The following GNB2 variants were observed in gnomAD, a reference collection of about 807,000 sequenced individuals.
The protein encoded by GNB2 is guanine nucleotide-binding protein G(I)/G(S)/G(T) subunit beta-2.
Under a neutral mutation model 40.7 loss-of-function variants are expected in GNB2, and 7 were observed. That is an observed-to-expected ratio of 0.17 (90% confidence interval 0.10 to 0.32). GNB2 has a LOEUF of 0.32. Ranked by LOEUF, GNB2 falls within the 10% of genes least tolerant of loss-of-function variation. GNB2 has a pLI of 1.00. For synonymous variants in GNB2, 254 were observed against 191.2 expected (o/e 1.33, Z -2.71); for missense variants, 286 against 473.0 (o/e 0.60, Z 3.67).
intron 9 of GNB2, 21 bp downstream of exon 9, chr7:100,678,635 T>C: frequency 6.2e-7 from 1 of 1,608,966 alleles, no homozygotes; most frequent in Non-Finnish European, 8.5e-7. Flanking sequence ...GGGCCCAGGC[T>C]GGGTGGGCAG....
At position 100,673,815 on chromosome 7, in the gene GNB2, G is replaced by GCGCCGC. The variant is rs374292503; in HGVS notation, c.-166_-161dup. ...CTGGGGCCACTGAGGAAATCCATCC[G>GCGCCGC]CGCCGCCGCCGCCGCCGCCGCCGCC... On this transcript the variant is annotated 5_prime_UTR_variant, in exon 1 of 10. Coordinates refer to ENST00000303210, the MANE Select transcript of GNB2 (RefSeq NM_005273.4). 617 of 178,330 alleles carry GCGCCGC rather than the reference G, an allele frequency of 3.5e-3. 5 individuals carry two copies. Among genetic ancestry groups the GCGCCGC allele is most frequent in the Admixed American group, 4.6e-3 (70 of 15,202 alleles). 11.0% of individuals were successfully genotyped at this position (178,330 alleles called of 1,614,324 possible).
intron 1 of GNB2, among the ~76,000 whole-genome samples, chr7:100,674,771 C>T (rs1804313478): frequency 1.3e-5 from 2 of 152,018 alleles, no homozygotes; most frequent in Non-Finnish European, 2.9e-5. Flanking sequence ...CTGAGAACGT[C>T]GCCCCCGCCC....
chr7:100,675,940 C>T, intron 1 of GNB2: 2 of 349,244 alleles, frequency 5.7e-6, no homozygotes, highest in Non-Finnish European at 1.0e-5. Flanking sequence ...AGGGGTTTCC[C>T]CTGCGCTTCC....
In GNB2 at chr7:100,673,814, C is replaced by A; in HGVS notation, c.-199C>A. The stretch of plus-strand genomic sequence containing the variant: ...GCTGGGGCCACTGAGGAAATCCATC[C>A]GCGCCGCCGCCGCCGCCGCCGCCGC... On this transcript the variant is annotated 5_prime_UTR_variant, in exon 1 of 10. Coordinates refer to ENST00000303210, the MANE Select transcript of GNB2 (RefSeq NM_005273.4). 2 of 124,248 alleles carry A rather than the reference C, an allele frequency of 1.6e-5. No individual in the cohort carries two copies. The highest frequency in any genetic ancestry group is 4.5e-4 in the South Asian group (2 of 4,466). 7.7% of individuals were successfully genotyped at this position (124,248 alleles called of 1,614,324 possible).
At chr7:100,674,157 C>T (rs889564732) in intron 1 of GNB2, among the ~76,000 whole-genome samples, 5 of 152,016 alleles carry the variant, frequency 3.3e-5, no homozygotes, top group Non-Finnish European at 7.4e-5. Context: ...TTTTGCCCGA[C>T]CCCAGACCCC....
chr7:100,678,068 ATCTTT>A (rs1297162734), intron 7 of GNB2, 25 bp from the exon 8 acceptor site: 19 of 1,560,536 alleles, frequency 1.2e-5, no homozygotes, highest in African/African-American at 2.7e-5. Flanking sequence ...CCTGTCTCTT[ATCTTT>A]TCTTTCTTCC....
At chr7:100,677,440 G>T in intron 5 of GNB2, 25 bp downstream of exon 5, 1 of 1,613,150 alleles carries the variant, frequency 6.2e-7, no homozygotes, top group Non-Finnish European at 8.5e-7. Flanking sequence ...GCTGCGGGGT[G>T]GGGCAGGGCC....
intron 1 of GNB2, chr7:100,675,485 A>C (rs1377903109): frequency 6.6e-6 from 1 of 151,422 alleles, no homozygotes; most frequent in African/African-American, 2.4e-5. Context: ...GCTTTTCCCA[A>C]ATCCTGTAAA....
chr7:100,678,811 C>A lies in GNB2; in HGVS notation c.*10C>A. On this transcript the variant is annotated 3_prime_UTR_variant, in exon 10 of 10. Transcript: ENST00000303210. ...CAAGATCTGGAACTAATGGCCCCAC[C>A]CCCACTGGGCCCAGGCCAGGAGGGG... 1 of 1,582,836 alleles carries A rather than the reference C, an allele frequency of 6.3e-7. No individual in the cohort carries two copies.
chr7:100,677,180 G>T (rs373218241), intron 4 of GNB2, 172 bp from the exon 5 acceptor site: 6 of 618,762 alleles, frequency 9.7e-6, no homozygotes, highest in South Asian at 7.4e-5. Flanking sequence ...GGGAGGCTGA[G>T]GTGGGAGGAT....
intron 7 of GNB2, 45 bp downstream of exon 7, chr7:100,677,863 C>T: frequency 6.5e-7 from 1 of 1,536,322 alleles, no homozygotes; most frequent in Non-Finnish European, 9.0e-7. Context: ...ACCCACACTT[C>T]CTGCCTCAGG....
intron 1 of GNB2, 112 bp from the exon 2 acceptor site, chr7:100,676,065 C>G (rs1804339729): frequency 4.0e-6 from 2 of 502,468 alleles, no homozygotes; most frequent in African/African-American, 2.0e-5. Context: ...ACGGCGGCCG[C>G]GCCGCCCCTT....
chr7:100,677,887 G>A, intron 7 of GNB2, 69 bp downstream of exon 7: 1 of 1,376,620 alleles, frequency 7.3e-7, no homozygotes, highest in South Asian at 1.2e-5. Context: ...CACCGTCCCA[G>A]TGCTCAACAT....
chr7:100,677,999 C>T (rs1054134454), intron 7 of GNB2, 99 bp from the exon 8 acceptor site: 11 of 1,133,370 alleles, frequency 9.7e-6, no homozygotes, highest in Non-Finnish European at 1.3e-5. Flanking sequence ...CTCCCTGGAC[C>T]CTTCCACAGG....
At chr7:100,676,128 C>T (rs1804341080) in intron 1 of GNB2, 49 bp from the exon 2 acceptor site, 3 of 567,758 alleles carry the variant, frequency 5.3e-6, no homozygotes, top group Non-Finnish European at 9.2e-6. Flanking sequence ...CGCCTTTCTC[C>T]CCACTTCCCC....
Position 100,673,790 on chromosome 7 carries a change from C to T in GNB2, c.-223C>T, listed in dbSNP as rs1362230365. ...TGGGGAGGCAGCGCTGGCGGCGGGGCTGGGGCCACTGAGGAAATCCATCCG... is the reference window on the plus strand; with the variant it reads ...TGGGGAGGCAGCGCTGGCGGCGGGGTTGGGGCCACTGAGGAAATCCATCCG... On this transcript the variant is annotated 5_prime_UTR_variant, in exon 1 of 10. Coordinates refer to ENST00000303210, the MANE Select transcript of GNB2 (RefSeq NM_005273.4). 5.8e-4 allele frequency: 104 copies of T among 180,714 alleles called. No individual in the cohort carries two copies. The East Asian group carries it at 0.016, about 27-fold the overall frequency. The allele number at this position is 180,714 out of a possible 1,614,324, so 11.2% of individuals were successfully genotyped here. A position where few individuals can be genotyped will look rare whatever the true frequency, so the allele number is the denominator to read the frequency against.
chr7:100,676,662 C>G (rs1291861051), intron 3 of GNB2, 31 bp from the exon 4 acceptor site: 1 of 1,564,600 alleles, frequency 6.4e-7, no homozygotes, highest in South Asian at 1.1e-5. Context: ...CTGCCTGGGC[C>G]TCCCCGAGCG....
In GNB2 at chr7:100,677,365, G is replaced by A. The variant is rs1424516740; in HGVS notation, c.217G>A (p.Ala73Thr). ...WGTDSRLLVS[A>T]SQDGKLIIWD... ...GTTCCCCACCAGGCTGCTGGTCAGC[G>A]CCTCCCAGGATGGGAAGCTCATCAT... Residue 73 changes from alanine to threonine, a missense_variant, in exon 5 of 10, where the codon GCC (alanine) becomes ACC (threonine). By Grantham distance (58) the Ala-to-Thr change is moderately conservative (BLOSUM62 0). Coordinates refer to ENST00000303210, the MANE Select transcript of GNB2 (RefSeq NM_005273.4). 7 of 1,613,692 alleles carry A rather than the reference G, an allele frequency of 4.3e-6. No homozygotes were observed. Among genetic ancestry groups the A allele is most frequent in the African/African-American group, 1.3e-5 (1 of 74,906 alleles).
In GNB2 at chr7:100,676,906, G is replaced by A. The variant is rs561208405; in HGVS notation, c.203+107G>A. The A allele has an allele frequency of 7.5e-5, 50 of 670,810 alleles. 1 individual carries two copies. Among genetic ancestry groups the A allele is most frequent in the East Asian group, 7.1e-4 (26 of 36,758 alleles). The allele number at this position is 670,810 out of a possible 1,614,324, so 41.6% of individuals were successfully genotyped here. A position where few individuals can be genotyped will look rare whatever the true frequency, so the allele number is the denominator to read the frequency against. Reference sequence around the variant, plus strand: ...CAGGCCACCAAAATACCCAGCGTACGTCTGGAAAAACGGTGACTCCCAGAC... The same window carrying A: ...CAGGCCACCAAAATACCCAGCGTACATCTGGAAAAACGGTGACTCCCAGAC... On this transcript the variant is annotated intron_variant, in intron 4 of 9. Coordinates refer to ENST00000303210, the MANE Select transcript of GNB2 (RefSeq NM_005273.4).
Sources: allele counts gnomAD v4.1 joint callset (sites outside exome capture counted in the v4.1 genomes callset), GRCh38; gene constraint gnomAD v4.1.1; transcripts MANE v1.5; gene names NCBI Gene and HGNC (gene_info 2026-07-23, HGNC 2026-07-21).